Variants in CCDC7 observed in about 807,000 individuals in gnomAD.
CCDC7 encodes the protein coiled-coil domain-containing protein 7.
Under a neutral mutation model 196.9 loss-of-function variants are expected in CCDC7, and 183 were observed. That is an observed-to-expected ratio of 0.93 (90% confidence interval 0.82 to 1.05). CCDC7 has a LOEUF of 1.05. Ranked by LOEUF, CCDC7 falls within the 50% of genes least tolerant of loss-of-function variation. The pLI, the probability that CCDC7 is intolerant of heterozygous loss-of-function variation, is 0.00. For missense variants in CCDC7, 1,540 were observed against 1,482.2 expected, an observed-to-expected ratio of 1.04 and a Z score of -0.64; for synonymous variants, 525 against 484.6, an observed-to-expected ratio of 1.08 and a Z score of -1.10.
intron 7 of CCDC7, among the ~76,000 whole-genome samples, chr10:32,473,606 G>A (rs899049547): frequency 3.3e-5 from 5 of 152,100 alleles, no homozygotes; most frequent in African/African-American, 1.2e-4. Flanking sequence ...CCTATATTCA[G>A]AGACTAGTGA....
At chr10:32,466,019 G>A (rs748141945) in intron 5 of CCDC7, among the ~76,000 whole-genome samples, 1 of 152,048 alleles carries the variant, frequency 6.6e-6, no homozygotes, top group Non-Finnish European at 1.5e-5. Context: ...ACTTTTCTCT[G>A]TGTCTACACC....
chr10:32,472,527 G>A, exon 7 of CCDC7: 1 of 1,583,916 alleles, frequency 6.3e-7, no homozygotes, highest in Non-Finnish European at 8.6e-7. Context: ...TGAAGCTCTG[G>A]CACAGAAAAT....
chr10:32,467,927 C>T (rs1234520891), intron 5 of CCDC7, among the ~76,000 whole-genome samples: 1 of 152,134 alleles, frequency 6.6e-6, no homozygotes, highest in Admixed American at 6.5e-5. Context: ...CTTCTCTATT[C>T]TGTTCCATTG....
intron 21 of CCDC7, among the ~76,000 whole-genome samples, chr10:32,666,094 G>A (rs1269484626): frequency 6.8e-6 from 1 of 147,074 alleles, no homozygotes; most frequent in Non-Finnish European, 1.5e-5. Context: ...ATAGTTTTTT[G>A]GTGGAGTCTT....
intron 33 of CCDC7, among the ~76,000 whole-genome samples, chr10:32,837,021 C>A (rs927544139): frequency 6.6e-6 from 1 of 152,104 alleles, no homozygotes; most frequent in Admixed American, 6.6e-5. Flanking sequence ...TGGGTAAGGA[C>A]TTCATGTCTA....
At chr10:32,860,677 C>A (rs377170879) in intron 41 of CCDC7, among the ~76,000 whole-genome samples, 18 of 152,160 alleles carry the variant, frequency 1.2e-4, no homozygotes, top group African/African-American at 4.1e-4. Context: ...ATCATCTAGG[C>A]CCCAAATCTC....
At position 32,794,987 on chromosome 10, in the gene CCDC7, T is replaced by C. The variant is rs146488334; in HGVS notation, c.3014-10028T>C. 6.0e-3 allele frequency among the ~76,000 whole-genome samples: 908 copies of C among 152,220 alleles called. 9 individuals carry two copies. The highest frequency in any genetic ancestry group is 0.021 in the African/African-American group (864 of 41,536). On this transcript the variant is annotated intron_variant, in intron 29 of 41. Transcript: ENST00000639629. ...AGCATCCTAGTGCTTGGCAACCCCA[T>C]GTAGGGTTCCCAGATTTCTCCCCAT...
chr10:32,779,129 A>T (rs1348517275), intron 29 of CCDC7, 45 bp downstream of exon 30: 2 of 1,362,282 alleles, frequency 1.5e-6, no homozygotes, highest in African/African-American at 2.9e-5. Flanking sequence ...ACAATCTAAG[A>T]ATTAAAATAT....
chr10:32,599,549 A>AT (rs1023947613), intron 18 of CCDC7, among the ~76,000 whole-genome samples: 1 of 151,818 alleles, frequency 6.6e-6, no homozygotes, highest in Non-Finnish European at 1.5e-5. Flanking sequence ...ATAGTGTAAC[A>AT]TTTTTTATTC....
intron 11 of CCDC7, among the ~76,000 whole-genome samples, chr10:32,526,710 A>G (rs2048731630): frequency 6.6e-6 from 1 of 152,018 alleles, no homozygotes; most frequent in African/African-American, 2.4e-5. Flanking sequence ...TCCAGGAGTG[A>G]GGGCCTGGAA....
chr10:32,548,143 A>G (rs2052800294), intron 13 of CCDC7, among the ~76,000 whole-genome samples: 2 of 152,208 alleles, frequency 1.3e-5, no homozygotes, highest in Admixed American at 6.5e-5. Context: ...GGATGGAGCA[A>G]TGGCAGGAGC....
chr10:32,508,838 G>C (rs2045619785), intron 9 of CCDC7, among the ~76,000 whole-genome samples: 1 of 151,794 alleles, frequency 6.6e-6, no homozygotes, highest in Non-Finnish European at 1.5e-5. Context: ...TTACCATGTT[G>C]GCCAGGCTGG....
chr10:32,561,383 T>C (rs2055587064), intron 13 of CCDC7, among the ~76,000 whole-genome samples: 1 of 152,162 alleles, frequency 6.6e-6, no homozygotes, highest in South Asian at 2.1e-4. Flanking sequence ...ATTTGAAAAT[T>C]GACCACATAG....
At chr10:32,609,473 C>T (rs1262576816) in intron 18 of CCDC7, among the ~76,000 whole-genome samples, 1 of 152,022 alleles carries the variant, frequency 6.6e-6, no homozygotes, top group East Asian at 1.9e-4. Flanking sequence ...TAAATTCTAT[C>T]CTTTTACTTT....
chr10:32,499,722 C>T (rs897699652), intron 9 of CCDC7, among the ~76,000 whole-genome samples: 4 of 151,778 alleles, frequency 2.6e-5, no homozygotes, highest in Non-Finnish European at 5.9e-5. Context: ...ACAAAGTTCT[C>T]TGGTTTTCCT....
chr10:32,555,192 T>C (rs969969970), intron 13 of CCDC7, among the ~76,000 whole-genome samples: 4 of 152,264 alleles, frequency 2.6e-5, no homozygotes, highest in South Asian at 2.1e-4. Flanking sequence ...ACTGATTTCC[T>C]TTTTTTGTAC....
chr10:32,815,913 G>C (rs564458472), intron 31 of CCDC7, among the ~76,000 whole-genome samples: 17 of 152,322 alleles, frequency 1.1e-4, no homozygotes, highest in African/African-American at 4.1e-4. Flanking sequence ...ACAGCTCCCA[G>C]TGTGAGCAAC....
At position 32,849,717 on chromosome 10, in the gene CCDC7, AAAAG is replaced by A. The variant is rs1322265141; in HGVS notation, c.3895+1003_3895+1006del. 6.6e-3 allele frequency among the ~76,000 whole-genome samples: 997 copies of A among 151,206 alleles called. 7 individuals carry two copies. The highest frequency in any genetic ancestry group is 0.022 in the African/African-American group (897 of 40,998). On this transcript the variant is annotated intron_variant, in intron 39 of 41. Transcript: ENST00000639629. ...ACTCCGTCTCAAAAAAAAAAAAAAAAAAAGAAAAGAAAAATAGAAAGCAAGAGTG... is the reference window on the plus strand; with the variant it reads ...ACTCCGTCTCAAAAAAAAAAAAAAAAAAAAGAAAAATAGAAAGCAAGAGTG...
At chr10:32,694,808 A>G (rs1266007380) in intron 23 of CCDC7, 71 bp from the exon 25 acceptor site, 2 of 879,510 alleles carry the variant, frequency 2.3e-6, no homozygotes, top group South Asian at 2.7e-5. Context: ...CACAATTACA[A>G]GTTTGAAATC....
Sources: allele counts gnomAD v4.1 joint callset (sites outside exome capture counted in the v4.1 genomes callset), GRCh38; gene constraint gnomAD v4.1.1; transcripts MANE v1.5; gene names NCBI Gene and HGNC (gene_info 2026-07-23, HGNC 2026-07-21).